Variants in RAD51B observed in about 807,000 individuals in gnomAD.
RAD51B encodes DNA repair protein RAD51 homolog 2.
In RAD51B, 38 loss-of-function variants were observed where a neutral mutation model predicts 42.2. The ratio of observed to expected loss-of-function variants is 0.90; its 90% CI spans 0.70 to 1.18. The LOEUF is 1.18. Ranked by LOEUF, RAD51B falls within the 50% of genes most tolerant of loss-of-function variation. The probability of loss-of-function intolerance (pLI) is 0.00; values close to 1 mark genes in which losing one functional copy is unlikely to be tolerated. For synonymous variants in RAD51B, 154 were observed against 145.2 expected, an observed-to-expected ratio of 1.06 and a Z score of -0.43; for missense variants, 373 against 400.7, an observed-to-expected ratio of 0.93 and a Z score of 0.59.
intron 10 of RAD51B, among the ~76,000 whole-genome samples, chr14:68,561,080 TA>T (rs1242256074): frequency 6.6e-6 from 1 of 152,138 alleles, no homozygotes; most frequent in African/African-American, 2.4e-5. Flanking sequence ...TTGGCAGAAA[TA>T]TTGCCCTGCC....
At chr14:67,976,637 T>C (rs1439611215) in intron 7 of RAD51B, among the ~76,000 whole-genome samples, 2 of 151,968 alleles carry the variant, frequency 1.3e-5, no homozygotes, top group Non-Finnish European at 2.9e-5. Context: ...GGCAATACAA[T>C]TCAGGACATA....
intron 9 of RAD51B, among the ~76,000 whole-genome samples, chr14:68,422,659 C>CATTCTGT (rs1195172357): frequency 3.3e-5 from 5 of 151,778 alleles, no homozygotes; most frequent in Non-Finnish European, 7.4e-5. Flanking sequence ...AAGTCTCTAG[C>CATTCTGT]ATTCTGTTTG....
intron 5 of RAD51B, among the ~76,000 whole-genome samples, chr14:67,874,129 C>G (rs965661013): frequency 6.6e-5 from 10 of 151,604 alleles, no homozygotes; most frequent in African/African-American, 2.2e-4. Context: ...TTAAAGAAAA[C>G]AAGAAGAAAA....
At chr14:67,831,099 T>G (rs1255982278) in intron 3 of RAD51B, among the ~76,000 whole-genome samples, 1 of 152,052 alleles carries the variant, frequency 6.6e-6, no homozygotes, top group Non-Finnish European at 1.5e-5. Flanking sequence ...GGTCTCGAAC[T>G]CGTGACCTCA....
chr14:68,564,533 C>T (rs1456965946), intron 10 of RAD51B, among the ~76,000 whole-genome samples: 1 of 152,172 alleles, frequency 6.6e-6, no homozygotes, highest in East Asian at 1.9e-4. Context: ...GAGCGGGCAG[C>T]TGGGGTTGGA....
intron 7 of RAD51B, among the ~76,000 whole-genome samples, chr14:68,082,799 T>C (rs541625373): frequency 3.2e-4 from 48 of 152,336 alleles, no homozygotes; most frequent in African/African-American, 1.1e-3. Context: ...TAGTTTTCAC[T>C]TTTCAATTCA....
intron 10 of RAD51B, among the ~76,000 whole-genome samples, chr14:68,471,291 C>G (rs1245757736): frequency 6.6e-6 from 1 of 152,164 alleles, no homozygotes; most frequent in Non-Finnish European, 1.5e-5. Context: ...ACACCAGCTA[C>G]CCGTGGGGGT....
At chr14:68,594,872 T>A (rs1000616940) in exon 11 of RAD51B, 2 of 1,147,908 alleles carry the variant, frequency 1.7e-6, no homozygotes, top group African/African-American at 3.1e-5. Context: ...ACACAGCCCA[T>A]GCCCTCCACC....
chr14:67,875,599 A>C (rs962258720), intron 5 of RAD51B, among the ~76,000 whole-genome samples: 1 of 152,230 alleles, frequency 6.6e-6, no homozygotes, highest in African/African-American at 2.4e-5. Flanking sequence ...TTTGTAGCCT[A>C]GGAGCAATAG....
intron 11 of RAD51B, among the ~76,000 whole-genome samples, chr14:68,680,932 G>GT (rs1415962383): frequency 6.6e-6 from 1 of 152,014 alleles, no homozygotes; most frequent in African/African-American, 2.4e-5. Flanking sequence ...AGTTTGGGGT[G>GT]TTTTTTTAAG....
intron 10 of RAD51B, among the ~76,000 whole-genome samples, chr14:68,564,849 C>T (rs1321775326): frequency 6.6e-6 from 1 of 152,214 alleles, no homozygotes; most frequent in East Asian, 1.9e-4. Flanking sequence ...TGCCAGTGGC[C>T]TGGCTGGCTG....
intron 8 of RAD51B, among the ~76,000 whole-genome samples, chr14:68,314,831 G>T (rs1184494261): frequency 1.3e-5 from 2 of 152,032 alleles, no homozygotes; most frequent in African/African-American, 4.8e-5. Flanking sequence ...TCTTAATTAC[G>T]ACTTCCCCTC....
chr14:68,440,176 A>G (rs2085251603), intron 9 of RAD51B, among the ~76,000 whole-genome samples: 1 of 152,214 alleles, frequency 6.6e-6, no homozygotes, highest in Non-Finnish European at 1.5e-5. Flanking sequence ...AATGTTGTCT[A>G]AGGCTGCTCT....
At chr14:67,891,164 C>G (rs558392465) in intron 7 of RAD51B, among the ~76,000 whole-genome samples, 40 of 152,134 alleles carry the variant, frequency 2.6e-4, no homozygotes, top group Middle Eastern at 3.4e-3. Flanking sequence ...TGATATTGTA[C>G]AAATGTTTTC....
At chr14:67,877,863 C>T (rs973907156) in intron 5 of RAD51B, among the ~76,000 whole-genome samples, 1 of 152,130 alleles carries the variant, frequency 6.6e-6, no homozygotes, top group African/African-American at 2.4e-5. Flanking sequence ...TGGGGTCTCA[C>T]CATCTTGCCC....
chr14:68,500,171 T>G (rs1279859372), intron 10 of RAD51B, among the ~76,000 whole-genome samples: 1 of 152,120 alleles, frequency 6.6e-6, no homozygotes, highest in African/African-American at 2.4e-5. Context: ...ACCAAGGAAG[T>G]TCAATCAGAT....
chr14:68,111,519 G>A (rs114955530), intron 7 of RAD51B, among the ~76,000 whole-genome samples: 179 of 152,218 alleles, frequency 1.2e-3, no homozygotes, highest in African/African-American at 4.1e-3. Flanking sequence ...GTGAGTAGGT[G>A]TCTGCTTTCA....
intron 7 of RAD51B, among the ~76,000 whole-genome samples, chr14:68,233,730 A>G (rs576988574): frequency 2.6e-5 from 4 of 152,220 alleles, no homozygotes; most frequent in Non-Finnish European, 5.9e-5. Context: ...AACATTTTCC[A>G]GTTTGACAAG....
At chr14:68,596,135 C>A, downstream of RAD51B, 2 of 677,360 alleles carry the variant, frequency 3.0e-6, no homozygotes. Context: ...ACAACAGACA[C>A]TTCTGGGGCA....
Sources: allele counts gnomAD v4.1 joint callset (sites outside exome capture counted in the v4.1 genomes callset), GRCh38; gene constraint gnomAD v4.1.1; transcripts MANE v1.5; gene names NCBI Gene and HGNC (gene_info 2026-07-23, HGNC 2026-07-21).